SRSF3: variants seen among roughly 807,000 people sequenced by gnomAD.
The protein encoded by SRSF3 is serine and arginine rich splicing factor 3.
For missense variants in SRSF3, 58 were observed against 217.1 expected (o/e 0.27, Z 4.61); for synonymous variants, 87 against 73.6 (o/e 1.18, Z -0.93).
intron 1 of SRSF3, among the ~76,000 whole-genome samples, 183 bp from the exon 2 acceptor site, chr6:36,596,566 CGGGGTGGCGGGG>C (rs1023064052): frequency 1.7e-3 from 10 of 5,956 alleles, no homozygotes; most frequent in African/African-American, 6.5e-3. Flanking sequence ...GATAATGGGG[CGGGGTGGCGGGG>C]GGGGGGAAAT....
rs1315031080 is a variant in SRSF3, at chr6:36,603,483, G to A, written c.*1494G>A. The A allele has an allele frequency of 9.0e-6, 2 of 223,418 alleles. No individual in the cohort carries two copies. The highest frequency in any genetic ancestry group is 1.8e-4 in the South Asian group (1 of 5,416). The allele number at this position is 223,418 out of a possible 1,614,324, so 13.8% of individuals were successfully genotyped here. On this transcript the variant is annotated 3_prime_UTR_variant, in exon 6 of 6. Transcript: ENST00000373715. ...CTCTTAAGATAGTTTTGGATTATGC[G>A]GTATTGACTGTCTTAAATATGAAAG...
At position 36,603,689 on chromosome 6, in the gene SRSF3, C is replaced by T. The variant is rs1482512963; in HGVS notation, c.*1700C>T. The stretch of plus-strand genomic sequence containing the variant: ...AGACAGCCTGTTTATTTACTGAGAG[C>T]TCTGGCATTGGGCATTTTGTCTTTA... On this transcript the variant is annotated 3_prime_UTR_variant, in exon 6 of 6. Transcript: ENST00000373715. 2 of 230,750 alleles carry T rather than the reference C, an allele frequency of 8.7e-6. No individual in the cohort carries two copies. The highest frequency in any genetic ancestry group is 1.7e-5 in the Non-Finnish European group (2 of 116,584). 14.3% of individuals were successfully genotyped at this position (230,750 alleles called of 1,614,324 possible). A position where few individuals can be genotyped will look rare whatever the true frequency, so the allele number is the denominator to read the frequency against.
intron 1 of SRSF3, among the ~76,000 whole-genome samples, chr6:36,596,168 C>T (rs570773278): frequency 1.2e-4 from 18 of 152,234 alleles, no homozygotes; most frequent in Admixed American, 5.2e-4. Context: ...GTGATTCGCC[C>T]GCCTCGGCTT....
intron 2 of SRSF3, chr6:36,598,376 T>C (rs1163568226): frequency 1.3e-5 from 2 of 152,258 alleles, no homozygotes; most frequent in African/African-American, 2.4e-5. Flanking sequence ...AATTTGAAAC[T>C]GGGAAACAAG....
chr6:36,601,840 T>TG (rs1288451402), intron 5 of SRSF3, 46 bp downstream of exon 5: 1 of 1,603,386 alleles, frequency 6.2e-7, no homozygotes, highest in Non-Finnish European at 8.5e-7. Context: ...ATACATAGTA[T>TG]GCTAAGGCCT....
intron 3 of SRSF3, 99 bp from the exon 4 acceptor site, chr6:36,601,053 C>T (rs1778707851): frequency 2.7e-6 from 1 of 370,044 alleles, no homozygotes; most frequent in Middle Eastern, 5.7e-4. Context: ...TTCTTCGGCA[C>T]ATTCACTGGG....
At chr6:36,594,549 A>G (rs968378586) in intron 1 of SRSF3, 68 bp downstream of exon 1, 2 of 152,298 alleles carry the variant, frequency 1.3e-5, no homozygotes, top group Admixed American at 1.3e-4. Flanking sequence ...GCCAGGCCCA[A>G]TGGCGGCGCC....
intron 2 of SRSF3, 129 bp downstream of exon 2, chr6:36,597,097 C>CTT (rs35760494): frequency 0.016 from 5,580 of 359,882 alleles, 132 homozygotes; most frequent in African/African-American, 0.067. Context: ...CAATTGGGAT[C>CTT]TTTTTTTTTT....
At chr6:36,601,306 A>G (rs945430462) in intron 4 of SRSF3, 116 bp downstream of exon 4, 2 of 980,166 alleles carry the variant, frequency 2.0e-6, no homozygotes, top group East Asian at 2.6e-5. Context: ...TAGTGAATCA[A>G]GTTGTAAGGA....
chr6:36,600,376 T>C (rs1778692283), intron 3 of SRSF3: 2 of 733,696 alleles, frequency 2.7e-6, no homozygotes, highest in African/African-American at 1.9e-5. Flanking sequence ...CTGTGCATAA[T>C]TGAATGGTAA....
At position 36,604,768 on chromosome 6, in the gene SRSF3, G is replaced by A. The variant is rs1778784113; in HGVS notation, c.*2779G>A. 6.6e-6 allele frequency: 1 copy of A among 152,310 alleles called. No homozygotes were observed. The highest frequency in any genetic ancestry group is 2.4e-5 in the African/African-American group (1 of 41,464). The allele number at this position is 152,310 out of a possible 1,614,324, so 9.4% of individuals were successfully genotyped here. On this transcript the variant is annotated 3_prime_UTR_variant, in exon 6 of 6. Transcript: ENST00000373715. The stretch of plus-strand genomic sequence containing the variant: ...AGGTATTTCAGAATAGATACAGCCA[G>A]ACTCCAGGCTCATTGACTTAGTTTT...
chr6:36,597,803 C>CTTTTTTT (rs377627108), intron 2 of SRSF3, among the ~76,000 whole-genome samples: 52 of 131,234 alleles, frequency 4.0e-4, no homozygotes, highest in Admixed American at 6.1e-4. Flanking sequence ...GAATAATGGT[C>CTTTTTTT]TTTTTTTTTT....
chr6:36,595,971 C>G (rs1174163082), intron 1 of SRSF3, among the ~76,000 whole-genome samples: 3 of 152,084 alleles, frequency 2.0e-5, no homozygotes, highest in African/African-American at 7.2e-5. Context: ...GTCGCCGAGG[C>G]TGGAGTGCAG....
Position 36,602,787 on chromosome 6 carries a change from T to C in SRSF3, c.*798T>C, listed in dbSNP as rs1778740080. ...TTTGGTTACAAATTGTTCTTTAACT[T>C]GAAAGCCTGTTTTTCCTTGCAAACT... On this transcript the variant is annotated 3_prime_UTR_variant, in exon 6 of 6. Transcript: ENST00000373715. The C allele has an allele frequency of 9.5e-6, 2 of 210,210 alleles. No homozygotes were observed. The highest frequency in any genetic ancestry group is 5.9e-5 in the Admixed American group (1 of 16,930). The allele number at this position is 210,210 out of a possible 1,614,324, so 13.0% of individuals were successfully genotyped here. A position where few individuals can be genotyped will look rare whatever the true frequency, so the allele number is the denominator to read the frequency against.
chr6:36,603,531 C>CAA lies in SRSF3; in HGVS notation c.*1543_*1544dup. 4.4e-6 allele frequency: 1 copy of CAA among 226,616 alleles called. No homozygotes were observed. Among genetic ancestry groups the CAA allele is most frequent in the East Asian group, 6.4e-5 (1 of 15,566 alleles). The allele number at this position is 226,616 out of a possible 1,614,324, so 14.0% of individuals were successfully genotyped here. On this transcript the variant is annotated 3_prime_UTR_variant, in exon 6 of 6. Transcript: ENST00000373715. Reference sequence around the variant, plus strand: ...AAGATAAGTCATTGCATTAAGAGTTCAAGCTAAATGGATACATTAAGATAC... The same window carrying CAA: ...AAGATAAGTCATTGCATTAAGAGTTCAAAAGCTAAATGGATACATTAAGATAC...
intron 4 of SRSF3, 75 bp downstream of exon 4, chr6:36,601,265 CTTAG>C (rs1342278843): frequency 6.7e-7 from 1 of 1,490,672 alleles, no homozygotes; most frequent in South Asian, 1.2e-5. Context: ...TTCCAGGTGG[CTTAG>C]TTAATGGGAA....
intron 5 of SRSF3, 25 bp from the exon 6 acceptor site, chr6:36,601,937 T>TTTA: frequency 6.4e-7 from 1 of 1,572,380 alleles, no homozygotes; most frequent in South Asian, 1.2e-5. Flanking sequence ...AATGTTTTGT[T>TTTA]TTCTTTTTTT....
rs1333236746 is a variant in SRSF3, at chr6:36,603,786, T to G, written c.*1797T>G. The G allele has an allele frequency of 4.3e-6, 1 of 231,564 alleles. No homozygotes were observed. Among genetic ancestry groups the G allele is most frequent in the African/African-American group, 2.2e-5 (1 of 45,270 alleles). 14.3% of individuals were successfully genotyped at this position (231,564 alleles called of 1,614,324 possible). A position where few individuals can be genotyped will look rare whatever the true frequency, so the allele number is the denominator to read the frequency against. On this transcript the variant is annotated 3_prime_UTR_variant, in exon 6 of 6. Coordinates refer to ENST00000373715, the MANE Select transcript of SRSF3 (RefSeq NM_003017.5). Reference sequence around the variant, plus strand: ...GATAGCTAAGAAGTTACGGAAGCCATGCAATATGTCAATTACATTGCTTTT... The same window carrying G: ...GATAGCTAAGAAGTTACGGAAGCCAGGCAATATGTCAATTACATTGCTTTT...
chr6:36,597,054 T>C lies in SRSF3; in HGVS notation c.206+86T>C, dbSNP rs563865991. The C allele has an allele frequency of 3.9e-5, 47 of 1,215,440 alleles. No individual in the cohort carries two copies. In the African/African-American group the frequency reaches 6.4e-4, roughly 16 times the overall value. The allele number at this position is 1,215,440 out of a possible 1,614,324, so 75.3% of individuals were successfully genotyped here. On this transcript the variant is annotated intron_variant, in intron 2 of 5. Transcript: ENST00000373715. ...CAGGATATGTGGCTCTTAGATGGCT[T>C]TCCCAATCACTGGCCAATTGTATCT... is the stretch of plus-strand genomic sequence containing the variant.
Sources: allele counts gnomAD v4.1 joint callset (sites outside exome capture counted in the v4.1 genomes callset), GRCh38; gene constraint gnomAD v4.1.1; transcripts MANE v1.5; gene names NCBI Gene and HGNC (gene_info 2026-07-23, HGNC 2026-07-21).